DIP2C: variants seen among roughly 807,000 people sequenced by gnomAD.
DIP2C encodes the protein DIP2 acetate--CoA ligase C (putative).
Under a neutral mutation model 192.4 loss-of-function variants are expected in DIP2C, and 33 were observed. The ratio of observed to expected loss-of-function variants is 0.17; its 90% CI spans 0.13 to 0.23. The LOEUF (loss-of-function observed/expected upper bound fraction) is 0.23, where lower values mean the gene tolerates loss of function less well. Among genes scored for constraint, DIP2C ranks in the 10% least tolerant of loss-of-function variants. DIP2C has a pLI of 1.00. For synonymous variants in DIP2C, 979 were observed against 864.1 expected, an observed-to-expected ratio of 1.13 and a Z score of -2.33; for missense variants, 1,537 against 2,110.1, an observed-to-expected ratio of 0.73 and a Z score of 5.32.
At chr10:364,896 C>A in intron 19 of DIP2C, 2 of 578,548 alleles carry the variant, frequency 3.5e-6, no homozygotes, top group Non-Finnish European at 3.4e-6. Context: ...TAACTGATTA[C>A]TTGGTTTACA....
chr10:348,202 A>G (rs1051903254), intron 26 of DIP2C, among the ~76,000 whole-genome samples: 6 of 152,252 alleles, frequency 3.9e-5, no homozygotes, highest in African/African-American at 9.6e-5. Context: ...AGGAAAATAT[A>G]GCTGAATCCT....
chr10:496,123 A>G (rs1212246145), intron 1 of DIP2C, among the ~76,000 whole-genome samples: 16 of 130,216 alleles, frequency 1.2e-4, no homozygotes, highest in African/African-American at 4.8e-4. Flanking sequence ...AAATCTCTAC[A>G]TTACTCTCAA....
chr10:472,415 T>C, intron 3 of DIP2C, 24 bp downstream of exon 3: 1 of 1,603,284 alleles, frequency 6.2e-7, no homozygotes, highest in Non-Finnish European at 8.5e-7. Flanking sequence ...ATGGACGTAT[T>C]GTATCACCCC....
At chr10:486,934 C>T (rs576652743) in intron 1 of DIP2C, among the ~76,000 whole-genome samples, 2 of 152,334 alleles carry the variant, frequency 1.3e-5, no homozygotes, top group Admixed American at 1.3e-4. Context: ...TTGGCATCTT[C>T]TTCATTAACA....
chr10:371,186 C>T (rs950855083), intron 17 of DIP2C, among the ~76,000 whole-genome samples: 2 of 151,730 alleles, frequency 1.3e-5, no homozygotes, highest in African/African-American at 4.8e-5. Flanking sequence ...CTGCACCATC[C>T]CCTCACCCTG....
intron 1 of DIP2C, among the ~76,000 whole-genome samples, chr10:532,199 C>T (rs1433108461): frequency 1.3e-5 from 2 of 152,158 alleles, no homozygotes; most frequent in Non-Finnish European, 2.9e-5. Context: ...GATGTAAACC[C>T]ACCAAAGTCA....
At chr10:343,925 C>T (rs868483829) in intron 28 of DIP2C, among the ~76,000 whole-genome samples, 7 of 152,198 alleles carry the variant, frequency 4.6e-5, no homozygotes, top group Non-Finnish European at 7.3e-5. Flanking sequence ...CATGGACAAC[C>T]GTGTATGGGG....
At chr10:523,414 G>A (rs950836171) in intron 1 of DIP2C, among the ~76,000 whole-genome samples, 2 of 146,654 alleles carry the variant, frequency 1.4e-5, no homozygotes, top group Non-Finnish European at 3.0e-5. Context: ...AAGGACCCTG[G>A]AGTGAAGATG....
At chr10:353,560 T>G (rs552935526) in intron 24 of DIP2C, among the ~76,000 whole-genome samples, 35 of 152,298 alleles carry the variant, frequency 2.3e-4, no homozygotes, top group African/African-American at 8.4e-4. Flanking sequence ...CAGCTATTTT[T>G]TTTTGTATTT....
intron 34 of DIP2C, among the ~76,000 whole-genome samples, chr10:285,256 T>C (rs1194742183): frequency 6.6e-6 from 1 of 151,322 alleles, no homozygotes; most frequent in African/African-American, 2.4e-5. Context: ...CACGTGCGTG[T>C]AGAAACGTGC....
intron 7 of DIP2C, among the ~76,000 whole-genome samples, chr10:415,374 G>A (rs914380438): frequency 9.2e-5 from 14 of 152,120 alleles, no homozygotes; most frequent in South Asian, 8.3e-4. Flanking sequence ...CAGCAGCTCC[G>A]GCACCTATAA....
At position 687,833 on chromosome 10, in the gene DIP2C, G is replaced by A. The variant is rs141642780; in HGVS notation, c.85+1661C>T. ...GAACAAATGTGGGTCCAACTTCTGG[G>A]CTAGCAGTGGGTGGGGGAACCCTCA... On this transcript the variant is annotated intron_variant, in intron 1 of 36. Transcript: ENST00000280886. Among the ~76,000 whole-genome samples, 190 of 152,312 alleles carry A rather than the reference G, an allele frequency of 1.2e-3. 1 individual carries two copies. Among genetic ancestry groups the A allele is most frequent in the African/African-American group, 4.5e-3 (185 of 41,554 alleles).
intron 1 of DIP2C, among the ~76,000 whole-genome samples, chr10:653,279 T>C (rs1856065981): frequency 6.6e-6 from 1 of 151,902 alleles, no homozygotes; most frequent in African/African-American, 2.4e-5. Flanking sequence ...TGAGACCCCG[T>C]CTCTACTAAA....
intron 31 of DIP2C, among the ~76,000 whole-genome samples, chr10:315,231 A>G (rs1195614770): frequency 6.6e-6 from 1 of 152,226 alleles, no homozygotes; most frequent in Non-Finnish European, 1.5e-5. Context: ...ATTTTTAAAC[A>G]GTTAATACTT....
chr10:628,079 T>G (rs1854302961), intron 1 of DIP2C, among the ~76,000 whole-genome samples: 1 of 152,240 alleles, frequency 6.6e-6, no homozygotes, highest in Non-Finnish European at 1.5e-5. Context: ...CACTCACCAC[T>G]CTGAGGTAGC....
At chr10:355,814 C>T (rs1055980556) in intron 24 of DIP2C, among the ~76,000 whole-genome samples, 18 of 152,154 alleles carry the variant, frequency 1.2e-4, no homozygotes, top group Non-Finnish European at 2.4e-4. Context: ...TGGTGACTCA[C>T]GCCTGTAATC....
At chr10:360,558 G>A (rs932091675) in intron 22 of DIP2C, among the ~76,000 whole-genome samples, 2 of 152,312 alleles carry the variant, frequency 1.3e-5, no homozygotes, top group South Asian at 2.1e-4. Context: ...AGACAGCAGC[G>A]AGACACACAA....
In DIP2C at chr10:377,342, A is replaced by ACC. The variant is rs149101277; in HGVS notation, c.1991+5303_1991+5304dup. Among the ~76,000 whole-genome samples the ACC allele has an allele frequency of 3.8e-4, 58 of 152,236 alleles. 1 individual carries two copies. In the East Asian group the frequency reaches 0.011, roughly 28 times the overall value. On this transcript the variant is annotated intron_variant, in intron 17 of 36. Transcript: ENST00000280886. Reference sequence around the variant, plus strand: ...CCCTCCTCTGCCATCTTCCCGCTGCACCTCCTTTGCCAAAACCAACTTCTC... The same window carrying ACC: ...CCCTCCTCTGCCATCTTCCCGCTGCACCCCTCCTTTGCCAAAACCAACTTCTC...
intron 1 of DIP2C, among the ~76,000 whole-genome samples, chr10:633,651 T>C (rs1854661029): frequency 6.6e-6 from 1 of 152,252 alleles, no homozygotes; most frequent in African/African-American, 2.4e-5. Flanking sequence ...GGTGCAAAGA[T>C]TGTTTTTAAA....
Sources: allele counts gnomAD v4.1 joint callset (sites outside exome capture counted in the v4.1 genomes callset), GRCh38; gene constraint gnomAD v4.1.1; transcripts MANE v1.5; gene names NCBI Gene and HGNC (gene_info 2026-07-23, HGNC 2026-07-21).